Variants in AGAP1 observed in about 807,000 individuals in gnomAD.
AGAP1 encodes the protein arf-GAP with GTPase, ANK repeat and PH domain-containing protein 1.
Under a neutral mutation model 105.3 loss-of-function variants are expected in AGAP1, and 29 were observed. The ratio of observed to expected loss-of-function variants is 0.28; its 90% CI spans 0.21 to 0.38. The LOEUF (loss-of-function observed/expected upper bound fraction) is 0.38, where lower values mean the gene tolerates loss of function less well. Ranked by LOEUF, AGAP1 falls within the 10% of genes least tolerant of loss-of-function variation. AGAP1 has a pLI of 1.00. For missense variants in AGAP1, 998 were observed against 1,165.1 expected, an observed-to-expected ratio of 0.86 and a Z score of 2.09; for synonymous variants, 509 against 485.9, an observed-to-expected ratio of 1.05 and a Z score of -0.63.
intron 1 of AGAP1, among the ~76,000 whole-genome samples, chr2:235,606,128 TC>T (rs1163177516): frequency 1.3e-5 from 2 of 152,228 alleles, no homozygotes; most frequent in African/African-American, 4.8e-5. Context: ...ATCGGCCATT[TC>T]CCCGGCCTTT....
intron 1 of AGAP1, among the ~76,000 whole-genome samples, chr2:235,693,051 T>C (rs976040034): frequency 6.6e-6 from 1 of 152,110 alleles, no homozygotes; most frequent in Non-Finnish European, 1.5e-5. Flanking sequence ...CTAGGGGCCT[T>C]CCTGATGTGG....
At chr2:235,938,355 TCTC>T (rs1332621924) in intron 12 of AGAP1, among the ~76,000 whole-genome samples, 1 of 152,090 alleles carries the variant, frequency 6.6e-6, no homozygotes, top group Non-Finnish European at 1.5e-5. Flanking sequence ...ACTAAGCTGT[TCTC>T]CTGCCCACCC....
intron 3 of AGAP1, among the ~76,000 whole-genome samples, chr2:235,727,561 C>G (rs902618824): frequency 6.6e-6 from 1 of 152,200 alleles, no homozygotes; most frequent in Admixed American, 6.5e-5. Flanking sequence ...GCTTCTTAAT[C>G]TCCAATGCTG....
At chr2:236,026,453 G>T (rs73121859) in intron 13 of AGAP1, among the ~76,000 whole-genome samples, 1 of 152,242 alleles carries the variant, frequency 6.6e-6, no homozygotes, top group East Asian at 1.9e-4. Context: ...GACACGCCGG[G>T]CACGGTTGCT....
chr2:235,860,727 G>T (rs1276049982), intron 9 of AGAP1, among the ~76,000 whole-genome samples: 1 of 152,154 alleles, frequency 6.6e-6, no homozygotes, highest in East Asian at 1.9e-4. Context: ...TCAAATAATT[G>T]CAGGAAGATT....
intron 9 of AGAP1, among the ~76,000 whole-genome samples, chr2:235,881,243 T>A (rs1171015330): frequency 6.6e-6 from 1 of 152,194 alleles, no homozygotes; most frequent in East Asian, 1.9e-4. Context: ...TTGAACTCAA[T>A]TATATCCCAT....
chr2:236,069,076 G>A (rs897619298), intron 16 of AGAP1, among the ~76,000 whole-genome samples: 24 of 148,526 alleles, frequency 1.6e-4, no homozygotes, highest in African/African-American at 5.7e-4. Context: ...GCAGTGAGCC[G>A]AGATCACGCT....
At chr2:235,807,616 C>A (rs531984423) in intron 9 of AGAP1, among the ~76,000 whole-genome samples, 1 of 152,190 alleles carries the variant, frequency 6.6e-6, no homozygotes, top group Non-Finnish European at 1.5e-5. Context: ...CTTTGTAGCA[C>A]GGCTTTGATT....
chr2:235,863,935 A>G (rs1306712292), intron 9 of AGAP1, among the ~76,000 whole-genome samples: 2 of 152,222 alleles, frequency 1.3e-5, no homozygotes, highest in African/African-American at 2.4e-5. Flanking sequence ...TGTGTCATTC[A>G]GGAACTTTCT....
chr2:235,876,785 G>A (rs935059585), intron 9 of AGAP1, among the ~76,000 whole-genome samples: 2 of 151,560 alleles, frequency 1.3e-5, no homozygotes, highest in East Asian at 1.9e-4. Context: ...GCCCCCAGGC[G>A]CATCCCTGAT....
At chr2:235,764,596 C>T (rs1010630082) in intron 6 of AGAP1, among the ~76,000 whole-genome samples, 27 of 152,248 alleles carry the variant, frequency 1.8e-4, no homozygotes, top group Non-Finnish European at 2.8e-4. Flanking sequence ...CTCCTTATCT[C>T]TGCTGCGTCC....
intron 6 of AGAP1, among the ~76,000 whole-genome samples, chr2:235,783,961 AATGGACGGACGGACGGACGG>A (rs201023189): frequency 7.2e-6 from 1 of 139,582 alleles, no homozygotes; most frequent in Non-Finnish European, 1.6e-5. Context: ...CAGAAAATGA[AATGGACGGACGGACGGACGG>A]ATGGACGGAC....
chr2:235,883,569 T>A lies in AGAP1; in HGVS notation c.1155+120T>A. 1.3e-6 allele frequency: 1 copy of A among 756,154 alleles called. No homozygotes were observed. The highest frequency in any genetic ancestry group is 2.4e-4 in the Middle Eastern group (1 of 4,186). The allele number at this position is 756,154 out of a possible 1,614,324, so 46.8% of individuals were successfully genotyped here. ...TGTTTGAAGTGAAAGTCGTATTTGG[T>A]CTCCTGCTCAACTGTGAGATAAATA... On this transcript the variant is annotated intron_variant, in intron 10 of 17. Transcript: ENST00000304032. This position sits in a 1 kb window ranked among gnomAD's most constrained non-coding sequence, Gnocchi z 4.5.
In AGAP1 at chr2:235,517,226, T is replaced by C. The variant is rs1439441936; in HGVS notation, c.163+22377T>C. On this transcript the variant is annotated intron_variant, in intron 1 of 17. Transcript: ENST00000304032. This position sits in a 1 kb window ranked among gnomAD's most constrained non-coding sequence, Gnocchi z 4.1. ...GGACACCAGTCTTGTTGGATGAGGG[T>C]CCCACCCTTAAGCTGCCATATTACC... is the stretch of plus-strand genomic sequence containing the variant. Among the ~76,000 whole-genome samples, 2 of 152,146 alleles carry C rather than the reference T, an allele frequency of 1.3e-5. No individual in the cohort carries two copies. The highest frequency in any genetic ancestry group is 6.5e-5 in the Admixed American group (1 of 15,284).
At position 235,819,081 on chromosome 2, in the gene AGAP1, G is replaced by A. The variant is rs867442758; in HGVS notation, c.1050+11750G>A. 2.6e-5 allele frequency among the ~76,000 whole-genome samples: 4 copies of A among 151,976 alleles called. No individual in the cohort carries two copies. The East Asian group carries it at 5.8e-4, about 22-fold the overall frequency. ...GAGGTTGCCTGAGTAGGTCAGAATC[G>A]AGTATCGGGAAATTGTATTTCTTTT... On this transcript the variant is annotated intron_variant, in intron 9 of 17. Coordinates refer to ENST00000304032, the MANE Select transcript of AGAP1 (RefSeq NM_001037131.3).
At position 235,776,771 on chromosome 2, in the gene AGAP1, C is replaced by T. The variant is rs1575427700; in HGVS notation, c.674-20988C>T. Among the ~76,000 whole-genome samples the T allele has an allele frequency of 2.6e-5, 4 of 152,298 alleles. No individual in the cohort carries two copies. The South Asian group carries it at 8.3e-4, about 32-fold the overall frequency. ...TACTCCAGGCACTGCAAGCTCGCAC[C>T]CTTTCCTTAGCCTCAAAGCCTTGCT... On this transcript the variant is annotated intron_variant, in intron 6 of 17. Coordinates refer to ENST00000304032, the MANE Select transcript of AGAP1 (RefSeq NM_001037131.3).
chr2:235,705,104 G>C lies in AGAP1; in HGVS notation c.164-4075G>C, dbSNP rs1298649311. ...AGCACTTCTCCTGCCTCAGCCTCCC[G>C]AGCAGCTGGGATTACAATCATGTGC... On this transcript the variant is annotated intron_variant, in intron 1 of 17. Coordinates refer to ENST00000304032, the MANE Select transcript of AGAP1 (RefSeq NM_001037131.3). The surrounding 1 kb of genome is among the most constrained non-coding windows in gnomAD (Gnocchi z 4.9). Among the ~76,000 whole-genome samples the C allele has an allele frequency of 6.7e-6, 1 of 148,358 alleles. No homozygotes were observed.
chr2:235,899,219 ACT>A (rs1263021885), intron 10 of AGAP1, among the ~76,000 whole-genome samples: 2 of 151,600 alleles, frequency 1.3e-5, no homozygotes, highest in African/African-American at 2.4e-5. Flanking sequence ...CTGTCTTAAA[ACT>A]CTACTGTTTG....
In AGAP1 at chr2:236,080,983, T is replaced by C. The variant is rs918252733; in HGVS notation, c.2114+31702T>C. On this transcript the variant is annotated intron_variant, in intron 16 of 17. Coordinates refer to ENST00000304032, the MANE Select transcript of AGAP1 (RefSeq NM_001037131.3). This position sits in a 1 kb window ranked among gnomAD's most constrained non-coding sequence, Gnocchi z 4.2. ...AGTTAGGTTGCCATGTAAGGTCACATAGTCACAGGTCCTGGGGATTAGGAC... is the reference window on the plus strand; with the variant it reads ...AGTTAGGTTGCCATGTAAGGTCACACAGTCACAGGTCCTGGGGATTAGGAC... Among the ~76,000 whole-genome samples the C allele has an allele frequency of 5.3e-5, 8 of 152,220 alleles. No individual in the cohort carries two copies. The highest frequency in any genetic ancestry group is 1.9e-4 in the African/African-American group (8 of 41,452).
Sources: gnomAD v4.1 joint callset for allele counts (sites outside exome capture counted in the v4.1 genomes callset) on GRCh38, gnomAD v4.1.1 for gene constraint, Gnocchi (gnomAD v3.1) non-coding constraint, MANE v1.5 for transcripts, NCBI Gene and HGNC (gene_info 2026-07-23, HGNC 2026-07-21) for gene names.